The following RBM6 variants were observed in gnomAD, a reference collection of about 807,000 sequenced individuals.
The protein encoded by RBM6 is RNA binding motif protein 6.
RBM6 carries 23 observed loss-of-function variants against 140.4 expected under a neutral mutation model. The observed-to-expected ratio is 0.16, with a 90% CI of 0.12 to 0.23. The LOEUF is 0.23. RBM6 is among the 10% of genes least tolerant of loss of function. The pLI is 1.00. For missense variants in RBM6, 1,139 were observed against 1,386.7 expected (o/e 0.82, Z 2.84); for synonymous variants, 439 against 475.6 (o/e 0.92, Z 1.00).
In RBM6 at chr3:50,029,319, G is replaced by T. The variant is rs184843119; in HGVS notation, c.1558-18926G>T. Among the ~76,000 whole-genome samples the T allele has an allele frequency of 1.9e-3, 293 of 152,320 alleles. 1 individual carries two copies. Among genetic ancestry groups the T allele is most frequent in the African/African-American group, 6.7e-3 (280 of 41,572 alleles). Reference sequence around the variant, plus strand: ...CTTGCATTAGGGATTAGGAGTAGATGTGGAAGGAAGAGATCAGGTTTGAAA... The same window carrying T: ...CTTGCATTAGGGATTAGGAGTAGATTTGGAAGGAAGAGATCAGGTTTGAAA... On this transcript the variant is annotated intron_variant, in intron 6 of 20. Transcript: ENST00000266022.
intron 8 of RBM6, among the ~76,000 whole-genome samples, chr3:50,056,654 T>A (rs2089715000): frequency 6.6e-6 from 1 of 152,184 alleles, no homozygotes; most frequent in Non-Finnish European, 1.5e-5. Context: ...ACAGCTTTAA[T>A]CTGGAAACCT....
intron 3 of RBM6, among the ~76,000 whole-genome samples, chr3:49,971,254 C>T (rs573545070): frequency 4.1e-4 from 51 of 124,274 alleles, no homozygotes; most frequent in Admixed American, 1.4e-3. Context: ...GCAGCAAGAG[C>T]GAAACTCCAT....
At chr3:50,069,561 A>T (rs778292543) in intron 18 of RBM6, among the ~76,000 whole-genome samples, 15 of 151,302 alleles carry the variant, frequency 9.9e-5, no homozygotes, top group Non-Finnish European at 2.1e-4. Flanking sequence ...ACAGTGGCAC[A>T]TGCATGTAAT....
At position 50,013,371 on chromosome 3, in the gene RBM6, T is replaced by TA. The variant is rs530571830; in HGVS notation, c.1557+13866dup. 2.7e-3 allele frequency among the ~76,000 whole-genome samples: 408 copies of TA among 151,700 alleles called. 2 individuals carry two copies. The highest frequency in any genetic ancestry group is 5.2e-3 in the Non-Finnish European group (350 of 67,898). ...CACTGTGAGGTTTTTATAGGTCTTT[T>TA]AAAAAAAACAGTGAATAGGCCGAAC... On this transcript the variant is annotated intron_variant, in intron 6 of 20. Transcript: ENST00000266022.
chr3:50,005,072 G>C (rs2086511863), intron 6 of RBM6, among the ~76,000 whole-genome samples: 1 of 152,206 alleles, frequency 6.6e-6, no homozygotes, highest in African/African-American at 2.4e-5. Context: ...GAAGTTTTAT[G>C]AAATAGTGTT....
Position 50,061,542 on chromosome 3 carries a change from AC to A in RBM6, c.2437del (p.Gln813SerfsTer48). 1 of 1,564,584 alleles carries A rather than the reference AC, an allele frequency of 6.4e-7. No individual in the cohort carries two copies. The highest frequency in any genetic ancestry group is 8.6e-7 in the Non-Finnish European group (1 of 1,163,938). On this transcript the variant is annotated frameshift_variant, in exon 14 of 21. Transcript: ENST00000266022. LOFTEE classifies it high-confidence loss of function. ...PLAGTYYDPN[T>X]QQEVYVPQDP... ...GGCAGGAACTTATTATGACCCCAAT[AC>A]CCAGGTGAGTTTGGGGCTTTTTTTT... is the stretch of plus-strand genomic sequence containing the variant.
At chr3:49,997,850 TC>T (rs1425144749) in intron 5 of RBM6, among the ~76,000 whole-genome samples, 1 of 152,246 alleles carries the variant, frequency 6.6e-6, no homozygotes, top group African/African-American at 2.4e-5. Context: ...CAAAGCAGTT[TC>T]CATTGTTAAT....
intron 6 of RBM6, among the ~76,000 whole-genome samples, chr3:50,015,332 T>C (rs1449456399): frequency 2.0e-5 from 3 of 151,074 alleles, no homozygotes; most frequent in African/African-American, 7.3e-5. Context: ...GGTCTCAAAC[T>C]CCTGACCTTA....
chr3:49,947,102 A>T (rs1367513185), intron 1 of RBM6, among the ~76,000 whole-genome samples: 2 of 140,898 alleles, frequency 1.4e-5, no homozygotes, highest in Admixed American at 1.4e-4. Flanking sequence ...AAAAAAAAAA[A>T]TTAGCCGGGC....
At chr3:50,074,880 G>A (rs1394379249) in intron 19 of RBM6, among the ~76,000 whole-genome samples, 1 of 152,094 alleles carries the variant, frequency 6.6e-6, no homozygotes, top group Non-Finnish European at 1.5e-5. Flanking sequence ...TGGGCATGGT[G>A]GCTCATGCCT....
In RBM6 at chr3:50,057,905, G is replaced by A. The variant is rs371492615; in HGVS notation, c.1871G>A (p.Arg624Lys). 1 of 1,614,004 alleles carries A rather than the reference G, an allele frequency of 6.2e-7. No homozygotes were observed. ...GGACATCAAAAGAGAGAAGCAGAAA[G>A]GTATCTGCCTCCTTCTCGAAGGGAA... ...RLGHQKREAE[R>K]YLPPSRREGP... Residue 624 changes from arginine (R) to lysine (K), a missense_variant, in exon 9 of 21, where the codon AGG becomes AAG. This residue lies in a region of RBM6 where 109 missense variants were observed against 101.9 expected (regional missense o/e 1.07). Coordinates refer to ENST00000266022, the MANE Select transcript of RBM6 (RefSeq NM_005777.3).
At chr3:50,072,568 A>G (rs2090339497) in intron 19 of RBM6, among the ~76,000 whole-genome samples, 1 of 152,152 alleles carries the variant, frequency 6.6e-6, no homozygotes, top group Admixed American at 6.6e-5. Context: ...CCACAATAAG[A>G]GAAGTATTTT....
chr3:49,969,505 ATATT>A (rs2084682833), intron 3 of RBM6, among the ~76,000 whole-genome samples: 1 of 147,140 alleles, frequency 6.8e-6, no homozygotes, highest in South Asian at 2.1e-4. Context: ...ATATGAATAT[ATATT>A]TATATATATA....
chr3:49,989,594 A>AT (rs1436188615), intron 5 of RBM6, among the ~76,000 whole-genome samples: 3 of 152,034 alleles, frequency 2.0e-5, no homozygotes, highest in South Asian at 2.1e-4. Flanking sequence ...AAATAAATAA[A>AT]ATAATAATAA....
chr3:50,058,093 C>G, intron 9 of RBM6, 90 bp downstream of exon 9: 5 of 1,456,976 alleles, frequency 3.4e-6, no homozygotes, highest in Non-Finnish European at 4.6e-6. Context: ...ATCTGCTTTC[C>G]AGTACCCTGA....
At chr3:50,006,467 G>T (rs1449929428) in intron 6 of RBM6, among the ~76,000 whole-genome samples, 1 of 152,096 alleles carries the variant, frequency 6.6e-6, no homozygotes, top group African/African-American at 2.4e-5. Context: ...ACATGAAGCA[G>T]TATAATGTAG....
intron 5 of RBM6, among the ~76,000 whole-genome samples, chr3:49,995,830 C>G (rs986961083): frequency 6.6e-6 from 1 of 152,066 alleles, no homozygotes; most frequent in African/African-American, 2.4e-5. Flanking sequence ...AGTTGGTTGG[C>G]AGAATGTTTA....
chr3:50,070,851 A>G (rs918927102), intron 19 of RBM6, among the ~76,000 whole-genome samples: 3 of 152,204 alleles, frequency 2.0e-5, no homozygotes, highest in African/African-American at 7.2e-5. Context: ...CCTGATAAGA[A>G]TGTCACACTC....
At chr3:50,066,640 C>A in intron 17 of RBM6, 138 bp downstream of exon 17, 1 of 1,132,214 alleles carries the variant, frequency 8.8e-7, no homozygotes, top group Non-Finnish European at 1.2e-6. Context: ...CCAGTCTGGG[C>A]AACATGGTGA....
Sources: allele counts gnomAD v4.1 joint callset (sites outside exome capture counted in the v4.1 genomes callset), GRCh38; gene constraint gnomAD v4.1.1; regional missense constraint gnomAD v4.1.1; transcripts MANE v1.5; gene names NCBI Gene and HGNC (gene_info 2026-07-23, HGNC 2026-07-21).